The following FCRL2 variants were observed in gnomAD, a reference collection of about 807,000 sequenced individuals.
FCRL2 encodes the protein Fc receptor-like protein 2.
FCRL2 carries 48 observed loss-of-function variants against 59.8 expected under a neutral mutation model. That is an observed-to-expected ratio of 0.80 (90% CI 0.64 to 1.02). The LOEUF (loss-of-function observed/expected upper bound fraction) is 1.02, where lower values mean the gene tolerates loss of function less well. Among genes scored for constraint, FCRL2 ranks in the 50% least tolerant of loss-of-function variants. The pLI, the probability that FCRL2 is intolerant of heterozygous loss-of-function variation, is 0.00. For missense variants in FCRL2, 658 were observed against 597.3 expected (o/e 1.10, Z -1.06); for synonymous variants, 251 against 229.5 (o/e 1.09, Z -0.85).
At chr1:157,753,731 A>G (rs1421082204) in intron 7 of FCRL2, among the ~76,000 whole-genome samples, 3 of 152,184 alleles carry the variant, frequency 2.0e-5, no homozygotes, top group African/African-American at 7.2e-5. Flanking sequence ...GGTGAGGCTT[A>G]AAGTTCCAAC....
rs1571284139 is a variant in FCRL2, at chr1:157,767,354, G to A, written c.1039C>T (p.Pro347Ser). ...TTGAAGGAGGCCCCTCCTCCAGAGG[G>A]GGCCGAGCTGTTCCCAAGGGTGACA... The part of the protein sequence containing the change: ...EDVTLGNSSA[P>S]SGGGASFNLS... The change falls in exon 6 of 12, where the codon CCC becomes TCC. Residue 347 changes from proline to serine, a missense_variant. By Grantham distance (74) the Pro-to-Ser change is moderately conservative (BLOSUM62 -1). Coordinates refer to ENST00000361516, the MANE Select transcript of FCRL2 (RefSeq NM_030764.4). 1 of 1,614,088 alleles carries A rather than the reference G, an allele frequency of 6.2e-7. No individual in the cohort carries two copies. Among genetic ancestry groups the A allele is most frequent in the African/African-American group, 1.3e-5 (1 of 74,936 alleles).
rs1161097426 is a variant in FCRL2 at position 157,766,083 on chromosome 1, A to T, written c.1279+772T>A. Among the ~76,000 whole-genome samples, 36 of 152,202 alleles carry T rather than the reference A, an allele frequency of 2.4e-4. 1 individual carries two copies. The highest frequency in any genetic ancestry group is 2.4e-3 in the Admixed American group (36 of 15,278). On this transcript the variant is annotated intron_variant, in intron 7 of 11. Coordinates refer to ENST00000361516, the MANE Select transcript of FCRL2 (RefSeq NM_030764.4). ...AAGATGGCTTCTTATGATCTATATC[A>T]TGGATCCAGGAATTCAAGGAGTCAT...
Position 157,768,582 on chromosome 1 carries a change from AG to A in FCRL2, c.714del (p.Trp239GlyfsTer27). On this transcript the variant is annotated frameshift_variant, in exon 5 of 12. Coordinates refer to ENST00000361516, the MANE Select transcript of FCRL2 (RefSeq NM_030764.4). LOFTEE classifies it high-confidence loss of function. Reference protein sequence around the residue: ...VAGGTGNVTFSWYREATGTSM... With the variant: ...VAGGTGNVTFXWYREATGTSM... Reference sequence around the variant, plus strand: ...CTGGTTCCTGTGGCCTCTCTGTACCAGGAGAATGTGACATTTCCTGTACCCC... The same window carrying A: ...CTGGTTCCTGTGGCCTCTCTGTACCAGAGAATGTGACATTTCCTGTACCCC... 1 of 1,614,176 alleles carries A rather than the reference AG, an allele frequency of 6.2e-7. No individual in the cohort carries two copies. Among genetic ancestry groups the A allele is most frequent in the Non-Finnish European group, 8.5e-7 (1 of 1,180,024 alleles).
chr1:157,757,251 G>T (rs897954555), intron 7 of FCRL2, among the ~76,000 whole-genome samples: 30 of 152,132 alleles, frequency 2.0e-4, no homozygotes, highest in African/African-American at 7.0e-4. Flanking sequence ...TTTGTGTCCT[G>T]CCCAAACTCC....
At chr1:157,756,554 C>T (rs1648602929) in intron 7 of FCRL2, among the ~76,000 whole-genome samples, 2 of 151,956 alleles carry the variant, frequency 1.3e-5, no homozygotes, top group South Asian at 4.2e-4. Flanking sequence ...GCGAGCATGC[C>T]TGTGGTCCCA....
intron 7 of FCRL2, among the ~76,000 whole-genome samples, chr1:157,765,419 G>A (rs1018746313): frequency 2.0e-5 from 3 of 152,030 alleles, no homozygotes; most frequent in Non-Finnish European, 2.9e-5. Flanking sequence ...TGAAGAGAAG[G>A]CAATTCTCTC....
At chr1:157,768,068 AAGG>A (rs1234622303) in intron 5 of FCRL2, 2 of 251,612 alleles carry the variant, frequency 7.9e-6, no homozygotes, top group African/African-American at 2.3e-5. Context: ...AATCACTTTG[AAGG>A]AGATGACATA....
chr1:157,776,097 A>G (rs1324260815), intron 1 of FCRL2, among the ~76,000 whole-genome samples: 2 of 152,028 alleles, frequency 1.3e-5, no homozygotes, highest in South Asian at 2.1e-4. Flanking sequence ...CCACCACTCT[A>G]TCTCACACTC....
intron 3 of FCRL2, 69 bp downstream of exon 3, chr1:157,770,339 AC>A: frequency 5.8e-6 from 9 of 1,560,060 alleles, no homozygotes. Flanking sequence ...GCTTTCCCCT[AC>A]CCAGTACCCA....
At chr1:157,757,392 C>T (rs570074521) in intron 7 of FCRL2, among the ~76,000 whole-genome samples, 8 of 152,014 alleles carry the variant, frequency 5.3e-5, no homozygotes, top group South Asian at 4.2e-4. Context: ...TAAGAAGGGA[C>T]GGGTTGAAGG....
intron 7 of FCRL2, among the ~76,000 whole-genome samples, chr1:157,753,381 A>G (rs562861308): frequency 6.6e-6 from 1 of 152,342 alleles, no homozygotes; most frequent in East Asian, 1.9e-4. Flanking sequence ...CTCTTTCCTC[A>G]GTTTCAATAA....
At chr1:157,767,026 T>G in intron 6 of FCRL2, 55 bp from the exon 7 acceptor site, 1 of 1,467,858 alleles carries the variant, frequency 6.8e-7, no homozygotes. Flanking sequence ...GGGCCCTTCT[T>G]ATAAATGCTA....
intron 7 of FCRL2, among the ~76,000 whole-genome samples, chr1:157,759,313 A>C (rs1297320427): frequency 3.3e-5 from 5 of 152,184 alleles, no homozygotes; most frequent in African/African-American, 1.2e-4. Context: ...GTATTTCTTT[A>C]CAGCACTGTG....
At chr1:157,760,767 A>T (rs902836580) in intron 7 of FCRL2, among the ~76,000 whole-genome samples, 6 of 146,530 alleles carry the variant, frequency 4.1e-5, no homozygotes, top group Admixed American at 6.7e-5. Context: ...AGAAAGAATG[A>T]AAAAAGAAAG....
chr1:157,772,787 C>G (rs2101763643), intron 2 of FCRL2, among the ~76,000 whole-genome samples: 1 of 152,174 alleles, frequency 6.6e-6, no homozygotes, highest in South Asian at 2.1e-4. Context: ...TAATTTTTAC[C>G]TTCTCTCCAT....
intron 2 of FCRL2, among the ~76,000 whole-genome samples, chr1:157,772,652 TCTA>T (rs1266643465): frequency 6.6e-6 from 1 of 152,206 alleles, no homozygotes; most frequent in African/African-American, 2.4e-5. Context: ...TGAATCCAAG[TCTA>T]CTATTATTAG....
intron 7 of FCRL2, among the ~76,000 whole-genome samples, chr1:157,754,876 G>A (rs960014146): frequency 1.3e-5 from 2 of 151,828 alleles, no homozygotes; most frequent in Non-Finnish European, 2.9e-5. Flanking sequence ...CGAGGTAGGA[G>A]TATCACTTGA....
rs549316504 is a variant in FCRL2, at chr1:157,759,322, T to G, written c.1279+7533A>C. On this transcript the variant is annotated intron_variant, in intron 7 of 11. Coordinates refer to ENST00000361516, the MANE Select transcript of FCRL2 (RefSeq NM_030764.4). Reference sequence around the variant, plus strand: ...TCTTGAGTATTTCTTTACAGCACTGTGAGAACAGACTAATACAAAACTCTA... The same window carrying G: ...TCTTGAGTATTTCTTTACAGCACTGGGAGAACAGACTAATACAAAACTCTA... Among the ~76,000 whole-genome samples the G allele has an allele frequency of 5.3e-5, 8 of 152,290 alleles. 1 individual carries two copies. The South Asian group carries it at 1.7e-3, about 32-fold the overall frequency.
chr1:157,772,005 T>A (rs1304749793), intron 2 of FCRL2, among the ~76,000 whole-genome samples: 1 of 151,072 alleles, frequency 6.6e-6, no homozygotes, highest in African/African-American at 2.4e-5. Context: ...GAATTACTTG[T>A]TAGACATTGG....
Sources: gnomAD v4.1 joint callset for allele counts (sites outside exome capture counted in the v4.1 genomes callset) on GRCh38, gnomAD v4.1.1 for gene constraint, MANE v1.5 for transcripts, NCBI Gene and HGNC (gene_info 2026-07-23, HGNC 2026-07-21) for gene names.